Variants in RAP2A observed in about 807,000 individuals in gnomAD.
The protein encoded by RAP2A is ras-related protein Rap-2a.
RAP2A carries 5 observed loss-of-function variants against 15.1 expected under a neutral mutation model. The observed-to-expected ratio is 0.33, with a 90% CI of 0.17 to 0.70. The LOEUF is 0.70. Among genes scored for constraint, RAP2A ranks in the 30% least tolerant of loss-of-function variants. The probability of loss-of-function intolerance (pLI) is 0.68; values close to 1 mark genes in which losing one functional copy is unlikely to be tolerated. For synonymous variants in RAP2A, 110 were observed against 99.7 expected, an observed-to-expected ratio of 1.10 and a Z score of -0.62; for missense variants, 111 against 240.3, an observed-to-expected ratio of 0.46 and a Z score of 3.56.
chr13:97,437,031 C>G (rs571381550), intron 1 of RAP2A, among the ~76,000 whole-genome samples: 15 of 152,292 alleles, frequency 9.8e-5, no homozygotes, highest in African/African-American at 3.6e-4. Context: ...ATTCAGTATT[C>G]AGCTTTAGGT....
intron 1 of RAP2A, among the ~76,000 whole-genome samples, chr13:97,463,102 G>A (rs996636265): frequency 1.4e-5 from 2 of 144,062 alleles, no homozygotes; most frequent in African/African-American, 4.9e-5. Flanking sequence ...CTGCTTATGG[G>A]AAGACACACA....
chr13:97,463,977 AATTG>A (rs1466080085), intron 1 of RAP2A, among the ~76,000 whole-genome samples: 8 of 152,226 alleles, frequency 5.3e-5, no homozygotes, highest in African/African-American at 1.4e-4. Flanking sequence ...AAGGATATAT[AATTG>A]ATTAATTAAA....
chr13:97,441,666 T>A (rs2066658138), intron 1 of RAP2A: 1 of 388,568 alleles, frequency 2.6e-6, no homozygotes, highest in South Asian at 2.0e-5. Context: ...CATGTATGCC[T>A]TACTCTGGGG....
intron 1 of RAP2A, chr13:97,435,829 CCT>C (rs1010468100): frequency 1.3e-5 from 2 of 152,096 alleles, no homozygotes; most frequent in Non-Finnish European, 2.9e-5. Flanking sequence ...ATTTTGGTGT[CCT>C]TTTTTTCCTG....
intron 1 of RAP2A, among the ~76,000 whole-genome samples, chr13:97,442,538 C>T (rs1460536912): frequency 6.6e-6 from 1 of 152,072 alleles, no homozygotes; most frequent in Non-Finnish European, 1.5e-5. Context: ...TGACTTAGTG[C>T]ACACATAGGA....
chr13:97,447,558 T>C (rs1289956892), intron 1 of RAP2A, among the ~76,000 whole-genome samples: 8 of 152,196 alleles, frequency 5.3e-5, no homozygotes, highest in Admixed American at 5.2e-4. Flanking sequence ...AGATCCCAGA[T>C]CTCTGGAGAC....
intron 1 of RAP2A, among the ~76,000 whole-genome samples, chr13:97,458,777 A>G (rs1339783637): frequency 6.6e-6 from 1 of 152,124 alleles, no homozygotes; most frequent in Admixed American, 6.5e-5. Flanking sequence ...AGAAAGGAGA[A>G]AGCAAAATAA....
At chr13:97,441,675 G>A (rs188065621) in intron 1 of RAP2A, 170 of 397,732 alleles carry the variant, frequency 4.3e-4, no homozygotes, top group Non-Finnish European at 7.3e-4. Context: ...CTTACTCTGG[G>A]GTTTTCTTTG....
chr13:97,442,709 T>C (rs2066663028), intron 1 of RAP2A, among the ~76,000 whole-genome samples: 1 of 152,198 alleles, frequency 6.6e-6, no homozygotes, highest in African/African-American at 2.4e-5. Flanking sequence ...TGGAAACTGC[T>C]ATCCTAGGAC....
chr13:97,468,291 G>A lies in RAP2A; in HGVS notation c.*3849G>A, dbSNP rs530123244. On this transcript the variant is annotated 3_prime_UTR_variant, in exon 2 of 2. Transcript: ENST00000245304. ...GCCTGATGCTAAGGTTAACAGAATT[G>A]TTCAAATAATTAACATTAATTAGCA... 9.2e-5 allele frequency: 14 copies of A among 152,334 alleles called. No homozygotes were observed. Among genetic ancestry groups the A allele is most frequent in the Middle Eastern group, 3.4e-3 (1 of 294 alleles). 9.4% of individuals were successfully genotyped at this position (152,334 alleles called of 1,614,324 possible). A position where few individuals can be genotyped will look rare whatever the true frequency, so the allele number is the denominator to read the frequency against.
chr13:97,459,257 AG>A (rs2066736608), intron 1 of RAP2A, among the ~76,000 whole-genome samples: 1 of 152,000 alleles, frequency 6.6e-6, no homozygotes, highest in Non-Finnish European at 1.5e-5. Flanking sequence ...AATGATGAAA[AG>A]GGGGTAAGGA....
At chr13:97,462,428 A>T (rs1045363846) in intron 1 of RAP2A, among the ~76,000 whole-genome samples, 1 of 152,010 alleles carries the variant, frequency 6.6e-6, no homozygotes, top group Non-Finnish European at 1.5e-5. Flanking sequence ...TAGCAAATAC[A>T]TGGTGTTTTG....
chr13:97,455,035 G>A (rs934309463), intron 1 of RAP2A, among the ~76,000 whole-genome samples: 2 of 151,202 alleles, frequency 1.3e-5, no homozygotes, highest in African/African-American at 4.9e-5. Context: ...CTGCTTTCAA[G>A]ATTTTATCTT....
chr13:97,451,331 A>G (rs2066701638), intron 1 of RAP2A, among the ~76,000 whole-genome samples: 2 of 152,194 alleles, frequency 1.3e-5, no homozygotes, highest in Admixed American at 1.3e-4. Flanking sequence ...ACCAAATCCC[A>G]AATGAAGATG....
At chr13:97,446,905 C>G (rs2066682195) in intron 1 of RAP2A, among the ~76,000 whole-genome samples, 1 of 152,200 alleles carries the variant, frequency 6.6e-6, no homozygotes, top group Non-Finnish European at 1.5e-5. Flanking sequence ...TGTTGACCCA[C>G]AGCATCATGC....
chr13:97,446,394 G>A (rs564767965), intron 1 of RAP2A, among the ~76,000 whole-genome samples: 17 of 152,016 alleles, frequency 1.1e-4, no homozygotes, highest in African/African-American at 4.1e-4. Flanking sequence ...GTTAATTTGG[G>A]TAAACAAATC....
chr13:97,440,599 TGACTC>T (rs1177138707), intron 1 of RAP2A, among the ~76,000 whole-genome samples: 5 of 152,172 alleles, frequency 3.3e-5, no homozygotes, highest in African/African-American at 9.7e-5. Flanking sequence ...GTTTTGAAAA[TGACTC>T]GAAGAGCTCA....
At chr13:97,449,158 C>T (rs1407238349) in intron 1 of RAP2A, among the ~76,000 whole-genome samples, 1 of 152,106 alleles carries the variant, frequency 6.6e-6, no homozygotes, top group East Asian at 1.9e-4. Flanking sequence ...TCCTATAAAC[C>T]CTGGAAACCT....
intron 1 of RAP2A, among the ~76,000 whole-genome samples, chr13:97,462,576 G>A (rs551073580): frequency 2.6e-5 from 4 of 152,270 alleles, no homozygotes; most frequent in South Asian, 2.1e-4. Flanking sequence ...TCTAAGGCCC[G>A]AAATCGTAAG....
Sources: gnomAD v4.1 joint callset for allele counts (sites outside exome capture counted in the v4.1 genomes callset) on GRCh38, gnomAD v4.1.1 for gene constraint, MANE v1.5 for transcripts, NCBI Gene and HGNC (gene_info 2026-07-23, HGNC 2026-07-21) for gene names.